Variants in NDST3 observed in about 807,000 individuals in gnomAD.
NDST3 encodes the protein bifunctional heparan sulfate N-deacetylase/N-sulfotransferase 3.
A neutral mutation model predicts 96.1 loss-of-function variants in NDST3; 58 were observed. That is an observed-to-expected ratio of 0.60 (90% CI 0.49 to 0.75). The LOEUF is 0.75. Ranked by LOEUF, NDST3 falls within the 30% of genes least tolerant of loss-of-function variation. The pLI, the probability that NDST3 is intolerant of heterozygous loss-of-function variation, is 0.00. For missense variants in NDST3, 788 were observed against 1,034.2 expected (o/e 0.76, Z 3.27); for synonymous variants, 333 against 359.7 (o/e 0.93, Z 0.84).
chr4:118,075,221 G>A (rs1289258799), intron 2 of NDST3, among the ~76,000 whole-genome samples: 1 of 152,122 alleles, frequency 6.6e-6, no homozygotes, highest in Non-Finnish European at 1.5e-5. Flanking sequence ...TCACTACAAA[G>A]GACATGAACT....
intron 12 of NDST3, among the ~76,000 whole-genome samples, chr4:118,243,089 GT>G (rs139320596): frequency 0.039 from 5,928 of 150,904 alleles, 175 homozygotes; most frequent in African/African-American, 0.085. Context: ...CCGTAAGTTG[GT>G]TTTTTTTTAA....
chr4:118,238,167 GA>G, intron 10 of NDST3, among the ~76,000 whole-genome samples: 1 of 33,476 alleles, frequency 3.0e-5, no homozygotes, highest in South Asian at 9.6e-4. Flanking sequence ...AAGAAAGAAA[GA>G]AAGAAAGAAA....
chr4:118,143,796 T>C, intron 6 of NDST3, 112 bp downstream of exon 6: 1 of 1,207,024 alleles, frequency 8.3e-7, no homozygotes. Context: ...TATGAAGTTC[T>C]AGCTCTGAAA....
chr4:118,058,527 T>C (rs1725625864), intron 2 of NDST3, among the ~76,000 whole-genome samples: 1 of 151,138 alleles, frequency 6.6e-6, no homozygotes, highest in African/African-American at 2.4e-5. Context: ...AGAAGAAAAT[T>C]GTTTAGATAA....
intron 2 of NDST3, among the ~76,000 whole-genome samples, chr4:118,075,930 T>G (rs1046463131): frequency 1.4e-4 from 21 of 152,324 alleles, no homozygotes; most frequent in Admixed American, 1.4e-3. Flanking sequence ...TATTTTGGCT[T>G]TTGTTGCCAT....
At chr4:118,126,680 C>T (rs1732121483) in intron 4 of NDST3, among the ~76,000 whole-genome samples, 1 of 151,900 alleles carries the variant, frequency 6.6e-6, no homozygotes, top group Non-Finnish European at 1.5e-5. Flanking sequence ...CTTTGATACA[C>T]TGATTTCCTT....
intron 6 of NDST3, among the ~76,000 whole-genome samples, chr4:118,185,492 T>C (rs1309749411): frequency 1.3e-5 from 2 of 150,482 alleles, no homozygotes; most frequent in South Asian, 2.1e-4. Flanking sequence ...TTTTATAACA[T>C]ACATATGATA....
intron 6 of NDST3, among the ~76,000 whole-genome samples, chr4:118,202,863 G>C (rs184922823): frequency 6.6e-6 from 1 of 152,220 alleles, no homozygotes; most frequent in Admixed American, 6.5e-5. Context: ...AACATGAGTG[G>C]TAAGAGTGTG....
At chr4:118,200,013 T>A (rs76855468) in intron 6 of NDST3, among the ~76,000 whole-genome samples, 17,285 of 152,102 alleles carry the variant, frequency 0.11, 1,325 homozygotes, top group South Asian at 0.2. Context: ...GAGCACTGGG[T>A]CTTGCCCAAG....
chr4:118,154,048 C>G (rs919035260), intron 6 of NDST3, among the ~76,000 whole-genome samples: 2 of 152,006 alleles, frequency 1.3e-5, no homozygotes, highest in Admixed American at 1.3e-4. Context: ...AGTGTTATAA[C>G]CAGAAACTTC....
intron 1 of NDST3, among the ~76,000 whole-genome samples, chr4:118,041,274 A>G (rs747982173): frequency 2.2e-4 from 34 of 152,258 alleles, no homozygotes; most frequent in Non-Finnish European, 3.5e-4. Context: ...CTGTGACATC[A>G]TGGGCAGGTT....
chr4:118,251,122 T>A (rs868733636), intron 12 of NDST3, among the ~76,000 whole-genome samples: 4 of 92,650 alleles, frequency 4.3e-5, no homozygotes, highest in Admixed American at 1.5e-4. Flanking sequence ...ATTTATTATT[T>A]TTATTTTATT....
At position 118,086,746 on chromosome 4, in the gene NDST3, A is replaced by C. The variant is rs144642703; in HGVS notation, c.982-18272A>C. ...TGCTATGCTTTCATCGGTTTGGGTA[A>C]GCTTCTTGGCCTAATAATCCTAAAA... On this transcript the variant is annotated intron_variant, in intron 2 of 13. Transcript: ENST00000296499. 3.4e-3 allele frequency among the ~76,000 whole-genome samples: 516 copies of C among 152,290 alleles called. 2 individuals carry two copies. The highest frequency in any genetic ancestry group is 0.011 in the African/African-American group (473 of 41,556).
At chr4:118,044,299 G>A (rs181207235) in intron 1 of NDST3, among the ~76,000 whole-genome samples, 12 of 152,272 alleles carry the variant, frequency 7.9e-5, no homozygotes, top group African/African-American at 2.9e-4. Flanking sequence ...CTGTAAAAGC[G>A]CAATTACTTA....
At chr4:118,070,335 T>C (rs773313594) in intron 2 of NDST3, among the ~76,000 whole-genome samples, 9 of 152,070 alleles carry the variant, frequency 5.9e-5, no homozygotes, top group Non-Finnish European at 1.0e-4. Flanking sequence ...AGGATTCCCA[T>C]CCTTCCTCCA....
chr4:118,058,642 C>T (rs199871465), intron 2 of NDST3, among the ~76,000 whole-genome samples: 47 of 15,730 alleles, frequency 3.0e-3, no homozygotes, highest in Middle Eastern at 0.071. Context: ...TGTGCGCGCG[C>T]GCGCACGCAT....
chr4:118,202,463 T>C (rs1738152801), intron 6 of NDST3, among the ~76,000 whole-genome samples: 1 of 152,204 alleles, frequency 6.6e-6, no homozygotes, highest in Non-Finnish European at 1.5e-5. Context: ...ATGGAATGTT[T>C]CCCCATTTAT....
intron 7 of NDST3, 32 bp from the exon 8 acceptor site, chr4:118,226,854 A>G (rs1432311714): frequency 1.3e-6 from 2 of 1,513,760 alleles, no homozygotes; most frequent in Non-Finnish European, 1.8e-6. Flanking sequence ...TTCATGAAAA[A>G]AAATACATCT....
intron 2 of NDST3, among the ~76,000 whole-genome samples, chr4:118,059,198 G>T (rs1377116916): frequency 6.6e-6 from 1 of 152,064 alleles, no homozygotes; most frequent in African/African-American, 2.4e-5. Flanking sequence ...TACTGAAGAG[G>T]TAACTGTGGC....
Sources: gnomAD v4.1 joint callset for allele counts (sites outside exome capture counted in the v4.1 genomes callset) on GRCh38, gnomAD v4.1.1 for gene constraint, MANE v1.5 for transcripts, NCBI Gene and HGNC (gene_info 2026-07-23, HGNC 2026-07-21) for gene names.